RHOT1: variants seen among roughly 807,000 people sequenced by gnomAD.
RHOT1 encodes the protein mitochondrial Rho GTPase 1.
A neutral mutation model predicts 95.3 loss-of-function variants in RHOT1; 27 were observed. That is an observed-to-expected ratio of 0.28 (90% confidence interval 0.21 to 0.39). The LOEUF (loss-of-function observed/expected upper bound fraction) is 0.39. Among genes scored for constraint, RHOT1 ranks in the 10% least tolerant of loss-of-function variants. RHOT1 has a pLI of 1.00. For missense variants in RHOT1, 578 were observed against 786.7 expected, an observed-to-expected ratio of 0.73 and a Z score of 3.17; for synonymous variants, 227 against 263.5, an observed-to-expected ratio of 0.86 and a Z score of 1.34.
intron 1 of RHOT1, chr17:32,151,003 C>G: frequency 6.6e-7 from 1 of 1,522,998 alleles, no homozygotes; most frequent in Non-Finnish European, 9.0e-7. Context: ...ATCGCCGGTT[C>G]CTAAACCAAA....
At chr17:32,175,851 C>T in intron 4 of RHOT1, 111 bp from the exon 5 acceptor site, 1 of 631,324 alleles carries the variant, frequency 1.6e-6, no homozygotes, top group Non-Finnish European at 2.5e-6. Flanking sequence ...TTTGTTTTAG[C>T]TGTTAAATTT....
At chr17:32,196,933 C>T (rs2036931181) in intron 11 of RHOT1, among the ~76,000 whole-genome samples, 1 of 151,902 alleles carries the variant, frequency 6.6e-6, no homozygotes, top group Non-Finnish European at 1.5e-5. Context: ...ACCAGCCTGG[C>T]CAACATGGCG....
intron 1 of RHOT1, chr17:32,143,013 T>G: frequency 1.4e-6 from 1 of 690,968 alleles, no homozygotes; most frequent in Non-Finnish European, 2.7e-6. Flanking sequence ...CTATTAGCCC[T>G]AACCGCCCGA....
At chr17:32,159,155 C>T (rs115310277) in intron 1 of RHOT1, among the ~76,000 whole-genome samples, 123 of 152,316 alleles carry the variant, frequency 8.1e-4, no homozygotes, top group African/African-American at 2.9e-3. Context: ...GGGCCAGCCT[C>T]AAGATCATCG....
At chr17:32,178,210 C>T (rs188307561) in intron 6 of RHOT1, among the ~76,000 whole-genome samples, 4 of 149,314 alleles carry the variant, frequency 2.7e-5, no homozygotes, top group African/African-American at 4.9e-5. Context: ...CCCTCCCCCC[C>T]CCCAGTGATC....
chr17:32,216,496 A>G (rs1470487657), intron 19 of RHOT1, among the ~76,000 whole-genome samples: 1 of 152,194 alleles, frequency 6.6e-6, no homozygotes, highest in Admixed American at 6.5e-5. Context: ...AACCAAGTGC[A>G]TAGTTCACAC....
At chr17:32,194,138 G>A in intron 11 of RHOT1, 31 bp downstream of exon 11, 2 of 1,605,238 alleles carry the variant, frequency 1.2e-6, no homozygotes, top group Non-Finnish European at 1.7e-6. Context: ...TGTTGTTGTT[G>A]TTGTTTAATT....
At chr17:32,178,205 C>A (rs1598362176) in intron 6 of RHOT1, among the ~76,000 whole-genome samples, 1 of 119,434 alleles carries the variant, frequency 8.4e-6, no homozygotes, top group East Asian at 2.1e-4. Flanking sequence ...AAATGCCCTC[C>A]CCCCCCCCAG....
At chr17:32,187,930 A>C (rs1000962503) in intron 8 of RHOT1, among the ~76,000 whole-genome samples, 1 of 152,274 alleles carries the variant, frequency 6.6e-6, no homozygotes, top group Non-Finnish European at 1.5e-5. Flanking sequence ...AAATTATATT[A>C]CATTCAAATT....
intron 18 of RHOT1, chr17:32,209,164 T>A: frequency 2.8e-6 from 1 of 353,488 alleles, no homozygotes; most frequent in Non-Finnish European, 5.1e-6. Context: ...AAGGTGTTGA[T>A]TTGTACAGAT....
intron 4 of RHOT1, 113 bp downstream of exon 4, chr17:32,175,475 C>T (rs549418970): frequency 4.0e-5 from 43 of 1,068,878 alleles, no homozygotes; most frequent in African/African-American, 2.5e-4. Flanking sequence ...TTTTTGGGAC[C>T]GTGTTTCACT....
rs145953273 is a variant in RHOT1, at chr17:32,156,086, T to C, written c.37+13357T>C. ...GGAAAAAGGGTTATGAAATGTTGCA[T>C]GTAAGTTGGCAAGATCTGAAAATTC... On this transcript the variant is annotated intron_variant, in intron 1 of 19. Transcript: ENST00000545287. Among the ~76,000 whole-genome samples, 1,368 of 152,340 alleles carry C rather than the reference T, an allele frequency of 9.0e-3. 24 individuals are homozygous for C. Among genetic ancestry groups the C allele is most frequent in the African/African-American group, 0.031 (1,295 of 41,572 alleles).
At chr17:32,205,038 A>G (rs1283744121) in intron 16 of RHOT1, among the ~76,000 whole-genome samples, 2 of 143,904 alleles carry the variant, frequency 1.4e-5, no homozygotes, top group Non-Finnish European at 3.1e-5. Flanking sequence ...TTCTACTTCT[A>G]TTTTTTTTTT....
chr17:32,162,303 A>C (rs556232633), intron 1 of RHOT1, among the ~76,000 whole-genome samples: 1 of 152,220 alleles, frequency 6.6e-6, no homozygotes, highest in Non-Finnish European at 1.5e-5. Flanking sequence ...CACTCCTATC[A>C]TATAGGAAAT....
At chr17:32,206,051 T>A (rs2037697287) in intron 16 of RHOT1, among the ~76,000 whole-genome samples, 1 of 152,152 alleles carries the variant, frequency 6.6e-6, no homozygotes, top group African/African-American at 2.4e-5. Context: ...TAAATTTTGA[T>A]TTGATAACTT....
chr17:32,151,556 C>T (rs73284189), intron 1 of RHOT1: 8,764 of 427,844 alleles, frequency 0.02, 531 homozygotes, highest in African/African-American at 0.15. Flanking sequence ...CAGTCCTGCG[C>T]GGTGTGTCTC....
intron 8 of RHOT1, among the ~76,000 whole-genome samples, chr17:32,186,285 T>C (rs1409302567): frequency 6.6e-6 from 1 of 152,172 alleles, no homozygotes; most frequent in Non-Finnish European, 1.5e-5. Flanking sequence ...TGATGGCTAA[T>C]GATGTTGTGT....
At chr17:32,144,005 T>C (rs189969083) in intron 1 of RHOT1, among the ~76,000 whole-genome samples, 340 of 152,346 alleles carry the variant, frequency 2.2e-3, no homozygotes, top group African/African-American at 7.5e-3. Flanking sequence ...TAGTTTACTT[T>C]TTGATTTGCA....
At chr17:32,164,696 T>G (rs1463287783) in intron 1 of RHOT1, among the ~76,000 whole-genome samples, 8 of 149,256 alleles carry the variant, frequency 5.4e-5, no homozygotes, top group Admixed American at 5.3e-4. Flanking sequence ...AAACCCTGTC[T>G]CTACTAAAAA....
Sources: allele counts gnomAD v4.1 joint callset (sites outside exome capture counted in the v4.1 genomes callset), GRCh38; gene constraint gnomAD v4.1.1; transcripts MANE v1.5; gene names NCBI Gene and HGNC (gene_info 2026-07-23, HGNC 2026-07-21).